CCSER1: variants seen among roughly 807,000 people sequenced by gnomAD.
CCSER1 encodes coiled-coil serine rich protein 1.
CCSER1 carries 41 observed loss-of-function variants against 82.0 expected under a neutral mutation model. The observed-to-expected ratio is 0.50, with a 90% CI of 0.39 to 0.65. The LOEUF is 0.65. CCSER1 is among the 30% of genes least tolerant of loss of function. The probability of loss-of-function intolerance (pLI) is 0.00; values close to 1 mark genes in which losing one functional copy is unlikely to be tolerated. For synonymous variants in CCSER1, 414 were observed against 383.9 expected, an observed-to-expected ratio of 1.08 and a Z score of -0.92; for missense variants, 1,119 against 1,064.2, an observed-to-expected ratio of 1.05 and a Z score of -0.72.
intron 5 of CCSER1, among the ~76,000 whole-genome samples, chr4:90,561,681 T>C (rs181326805): frequency 1.1e-3 from 170 of 152,306 alleles, no homozygotes; most frequent in African/African-American, 3.6e-3. Context: ...TTCCCTGTTA[T>C]ATGCAATAGT....
chr4:90,236,101 C>T (rs2153431506), intron 1 of CCSER1, among the ~76,000 whole-genome samples: 1 of 152,150 alleles, frequency 6.6e-6, no homozygotes, highest in Admixed American at 6.5e-5. Context: ...TGCCACGATG[C>T]TTGGCTAATT....
chr4:90,296,609 G>C (rs1732000831), intron 1 of CCSER1, among the ~76,000 whole-genome samples: 1 of 151,980 alleles, frequency 6.6e-6, no homozygotes, highest in Admixed American at 6.6e-5. Context: ...TTTCTTCTAG[G>C]GTTTTTATGG....
At chr4:90,445,165 A>G (rs1357009376) in intron 4 of CCSER1, among the ~76,000 whole-genome samples, 1 of 152,054 alleles carries the variant, frequency 6.6e-6, no homozygotes, top group Non-Finnish European at 1.5e-5. Context: ...ACTTCAGGAT[A>G]TACATTATAA....
intron 9 of CCSER1, among the ~76,000 whole-genome samples, chr4:90,948,635 G>A (rs944226068): frequency 1.3e-4 from 20 of 152,038 alleles, no homozygotes; most frequent in African/African-American, 4.6e-4. Flanking sequence ...TCTAAGTTTT[G>A]TAGATTCTGA....
Position 90,423,720 on chromosome 4 carries a change from G to T in CCSER1, c.1603+23591G>T, listed in dbSNP as rs1237311928. On this transcript the variant is annotated intron_variant, in intron 4 of 10. Coordinates refer to ENST00000509176, the MANE Select transcript of CCSER1 (RefSeq NM_001145065.2). ...TTGAACTCCTAACCTCAGGTGATCCGCCTGCATCGGCTTCCCAAAGTGCTG... is the reference window on the plus strand; with the variant it reads ...TTGAACTCCTAACCTCAGGTGATCCTCCTGCATCGGCTTCCCAAAGTGCTG... Among the ~76,000 whole-genome samples the T allele has an allele frequency of 2.0e-5, 3 of 152,046 alleles. No homozygotes were observed. In the East Asian group the frequency reaches 5.9e-4, roughly 30 times the overall value.
intron 4 of CCSER1, among the ~76,000 whole-genome samples, chr4:90,464,047 A>T (rs1459024848): frequency 1.3e-5 from 2 of 152,182 alleles, no homozygotes; most frequent in Non-Finnish European, 2.9e-5. Context: ...TCTCAGTTTA[A>T]TATGAATCTG....
At chr4:91,468,353 T>C (rs1409254855) in intron 10 of CCSER1, among the ~76,000 whole-genome samples, 1 of 152,078 alleles carries the variant, frequency 6.6e-6, no homozygotes, top group Non-Finnish European at 1.5e-5. Flanking sequence ...GGGCCTGTCA[T>C]GGTGTGCAGG....
intron 10 of CCSER1, among the ~76,000 whole-genome samples, chr4:91,543,477 G>A (rs1009239641): frequency 1.3e-5 from 2 of 152,170 alleles, no homozygotes; most frequent in Non-Finnish European, 2.9e-5. Flanking sequence ...TCCTTCAGGA[G>A]CTCTTGTAAG....
intron 10 of CCSER1, among the ~76,000 whole-genome samples, chr4:91,324,414 A>C (rs1746407096): frequency 6.6e-6 from 1 of 152,190 alleles, no homozygotes; most frequent in East Asian, 1.9e-4. Flanking sequence ...AACGTGCAAT[A>C]CATTTGTTCA....
chr4:91,392,400 A>G (rs1751719255), intron 10 of CCSER1, among the ~76,000 whole-genome samples: 1 of 82,316 alleles, frequency 1.2e-5, no homozygotes, highest in South Asian at 4.3e-4. Context: ...CTTACACATT[A>G]TAGAAATAAA....
At chr4:91,128,701 A>G (rs1311046252) in intron 10 of CCSER1, among the ~76,000 whole-genome samples, 2 of 152,058 alleles carry the variant, frequency 1.3e-5, no homozygotes, top group Non-Finnish European at 2.9e-5. Flanking sequence ...CAGAAGACAC[A>G]TAGAAGTGAA....
chr4:91,334,827 A>G (rs1292603693), intron 10 of CCSER1, among the ~76,000 whole-genome samples: 1 of 151,920 alleles, frequency 6.6e-6, no homozygotes, highest in Non-Finnish European at 1.5e-5. Flanking sequence ...TTAAAGCCAT[A>G]TCTGCTATGT....
intron 10 of CCSER1, among the ~76,000 whole-genome samples, chr4:91,458,175 A>ATTCT (rs1756299556): frequency 6.6e-6 from 1 of 152,062 alleles, no homozygotes; most frequent in South Asian, 2.1e-4. Flanking sequence ...GTTTTTGTAT[A>ATTCT]TATAGAGAGA....
At chr4:91,410,110 T>A (rs1752937505) in intron 10 of CCSER1, among the ~76,000 whole-genome samples, 1 of 152,238 alleles carries the variant, frequency 6.6e-6, no homozygotes, top group Admixed American at 6.5e-5. Context: ...CTGGTTTTCT[T>A]TGTTTTTCTT....
chr4:90,294,018 T>C (rs1043505275), intron 1 of CCSER1, among the ~76,000 whole-genome samples: 5 of 152,092 alleles, frequency 3.3e-5, no homozygotes, highest in Admixed American at 1.3e-4. Context: ...TTGTGTCTTA[T>C]GGCTCACTGC....
intron 3 of CCSER1, among the ~76,000 whole-genome samples, chr4:90,372,954 G>A (rs917156736): frequency 7.6e-6 from 1 of 131,290 alleles, no homozygotes; most frequent in Admixed American, 7.3e-5. Flanking sequence ...TAAAGGAGAT[G>A]CAAACTGTTG....
chr4:90,695,348 T>G (rs2149253238), intron 6 of CCSER1, among the ~76,000 whole-genome samples: 1 of 152,026 alleles, frequency 6.6e-6, no homozygotes, highest in East Asian at 1.9e-4. Context: ...ATGTAAAAAC[T>G]AAATCATTGA....
chr4:91,045,284 A>C (rs1742351640), intron 9 of CCSER1, among the ~76,000 whole-genome samples: 1 of 152,234 alleles, frequency 6.6e-6, no homozygotes, highest in Non-Finnish European at 1.5e-5. Context: ...AGATTTATTA[A>C]TATGTGAAAA....
chr4:90,795,287 CAA>C (rs55780432), intron 7 of CCSER1, among the ~76,000 whole-genome samples: 45,995 of 127,344 alleles, frequency 0.36, 7,395 homozygotes, highest in East Asian at 0.43. Flanking sequence ...AACTCTGTCT[CAA>C]AAAAAAAAAA....
Sources: allele counts gnomAD v4.1 joint callset (sites outside exome capture counted in the v4.1 genomes callset), GRCh38; gene constraint gnomAD v4.1.1; transcripts MANE v1.5; gene names NCBI Gene and HGNC (gene_info 2026-07-23, HGNC 2026-07-21).